Variants in NCAM2 observed in about 807,000 individuals in gnomAD.
NCAM2 encodes N-CAM-2.
NCAM2 carries 30 observed loss-of-function variants against 98.1 expected under a neutral mutation model. The ratio of observed to expected loss-of-function variants is 0.31; its 90% confidence interval spans 0.23 to 0.41. The LOEUF is 0.41. Ranked by LOEUF, NCAM2 falls within the 10% of genes least tolerant of loss-of-function variation. The pLI, the probability that NCAM2 is intolerant of heterozygous loss-of-function variation, is 1.00. For synonymous variants in NCAM2, 368 were observed against 342.4 expected, an observed-to-expected ratio of 1.07 and a Z score of -0.83; for missense variants, 867 against 1,005.8, an observed-to-expected ratio of 0.86 and a Z score of 1.87.
Position 21,338,420 on chromosome 21 carries a change from A to G in NCAM2, c.930A>G (p.Glu310=), listed in dbSNP as rs776270048. 1.1e-5 allele frequency: 18 copies of G among 1,612,352 alleles called. No individual in the cohort carries two copies. The highest frequency in any genetic ancestry group is 1.5e-5 in the Non-Finnish European group (18 of 1,178,754). The change falls in exon 8 of 18, where the codon GAA becomes GAG. Residue 310 remains glutamate (E), a synonymous_variant. Transcript: ENST00000400546. ...VQPHIIQLKN[E]TTYENGQVTL... is the part of the protein sequence containing the mutation. ...CTCACATAATACAGCTTAAAAATGA[A>G]ACTACATATGAGAATGGTCAAGTCA...
At chr21:21,506,525 A>G (rs1045052794) in intron 15 of NCAM2, among the ~76,000 whole-genome samples, 4 of 152,114 alleles carry the variant, frequency 2.6e-5, no homozygotes, top group South Asian at 2.1e-4. Context: ...TTTTTAATTC[A>G]TGCATAGAGA....
rs554764799 is a variant in NCAM2 at position 21,015,472 on chromosome 21, G to A, written c.55+16854G>A. ...ATTAGGACCCACTGAAGGCTTAGAT[G>A]ATCCTTCACTCTTTTTTAGCAATAA... On this transcript the variant is annotated intron_variant, in intron 1 of 17. Coordinates refer to ENST00000400546, the MANE Select transcript of NCAM2 (RefSeq NM_004540.5). Among the ~76,000 whole-genome samples, 13 of 152,254 alleles carry A rather than the reference G, an allele frequency of 8.5e-5. No individual in the cohort carries two copies. The South Asian group carries it at 2.3e-3, about 27-fold the overall frequency.
At chr21:21,410,491 G>A in intron 10 of NCAM2, 30 bp downstream of exon 10, 1 of 1,270,278 alleles carries the variant, frequency 7.9e-7, no homozygotes, top group Admixed American at 2.7e-5. Flanking sequence ...TCAATAAATT[G>A]TATTATTTTA....
intron 16 of NCAM2, among the ~76,000 whole-genome samples, chr21:21,527,108 G>A (rs1425694706): frequency 7.6e-6 from 1 of 132,306 alleles, no homozygotes; most frequent in African/African-American, 2.8e-5. Flanking sequence ...ATCCATGAAA[G>A]AAAGATTTTT....
At chr21:21,391,967 G>T (rs1414095669) in intron 9 of NCAM2, among the ~76,000 whole-genome samples, 1 of 152,112 alleles carries the variant, frequency 6.6e-6, no homozygotes, top group African/African-American at 2.4e-5. Flanking sequence ...AAATTCAGGG[G>T]TACAAGTACT....
intron 5 of NCAM2, among the ~76,000 whole-genome samples, chr21:21,297,615 C>A (rs1445736109): frequency 6.6e-6 from 1 of 151,640 alleles, no homozygotes; most frequent in Non-Finnish European, 1.5e-5. Flanking sequence ...TGCCCACTTA[C>A]ACATCATGGA....
At chr21:21,161,088 T>C (rs898529678) in intron 1 of NCAM2, among the ~76,000 whole-genome samples, 1 of 151,972 alleles carries the variant, frequency 6.6e-6, no homozygotes, top group African/African-American at 2.4e-5. Context: ...ACACCTCTGC[T>C]ACAAAATGAA....
chr21:21,193,638 C>T (rs1024105901), intron 1 of NCAM2, among the ~76,000 whole-genome samples: 16 of 151,736 alleles, frequency 1.1e-4, no homozygotes, highest in East Asian at 9.8e-4. Flanking sequence ...TGGGACTACA[C>T]AGGCGTGTCA....
At chr21:21,472,164 C>G (rs1984521246) in intron 14 of NCAM2, among the ~76,000 whole-genome samples, 1 of 151,868 alleles carries the variant, frequency 6.6e-6, no homozygotes, top group Non-Finnish European at 1.5e-5. Flanking sequence ...ATAACTATCA[C>G]TTAGTGTTGG....
intron 5 of NCAM2, among the ~76,000 whole-genome samples, chr21:21,293,490 A>G (rs576063691): frequency 6.6e-6 from 1 of 151,908 alleles, no homozygotes; most frequent in Admixed American, 6.6e-5. Context: ...ATTAGATGTC[A>G]GTCATAGGGA....
At chr21:21,074,169 G>A (rs966249632) in intron 1 of NCAM2, among the ~76,000 whole-genome samples, 8 of 151,890 alleles carry the variant, frequency 5.3e-5, no homozygotes, top group African/African-American at 9.7e-5. Context: ...TTCCAAGTAT[G>A]CTATATTTCT....
intron 1 of NCAM2, among the ~76,000 whole-genome samples, chr21:21,071,036 G>C (rs1197656668): frequency 6.6e-6 from 1 of 152,114 alleles, no homozygotes; most frequent in Non-Finnish European, 1.5e-5. Flanking sequence ...GAATTAAATT[G>C]AGGGTTATTA....
intron 15 of NCAM2, among the ~76,000 whole-genome samples, chr21:21,500,636 C>A (rs1178284008): frequency 3.6e-4 from 54 of 151,766 alleles, no homozygotes; most frequent in Admixed American, 3.5e-3. Context: ...TAATTTTTTT[C>A]TTACCACCCA....
At chr21:21,482,147 G>A (rs924432127) in intron 15 of NCAM2, among the ~76,000 whole-genome samples, 3 of 151,854 alleles carry the variant, frequency 2.0e-5, no homozygotes, top group African/African-American at 7.3e-5. Context: ...TACTGAATCC[G>A]GATTGCTAAG....
chr21:21,343,352 TACACATACACACACACACACACACACAC>T (rs2075098577), intron 8 of NCAM2, among the ~76,000 whole-genome samples: 1 of 110,076 alleles, frequency 9.1e-6, no homozygotes, highest in South Asian at 2.7e-4. Flanking sequence ...CAACTATCTA[TACACATACACACACACACACACACACAC>T]ACACACACAC....
chr21:21,524,166 G>A (rs1989188661), intron 16 of NCAM2, among the ~76,000 whole-genome samples: 1 of 152,068 alleles, frequency 6.6e-6, no homozygotes, highest in Non-Finnish European at 1.5e-5. Context: ...GCCAGATGCA[G>A]TCAACTTCAG....
chr21:21,007,548 C>T (rs982518922), intron 1 of NCAM2, among the ~76,000 whole-genome samples: 2 of 152,080 alleles, frequency 1.3e-5, no homozygotes, highest in Admixed American at 6.6e-5. Flanking sequence ...AAGGGGTGGG[C>T]AATTCCTGAA....
At chr21:21,367,048 T>A (rs1261576869) in intron 8 of NCAM2, among the ~76,000 whole-genome samples, 1 of 151,998 alleles carries the variant, frequency 6.6e-6, no homozygotes, top group East Asian at 1.9e-4. Context: ...TTCAATTATG[T>A]GGCATACATT....
Position 21,292,152 on chromosome 21 carries a change from A to G in NCAM2, c.530A>G (p.Asn177Ser), listed in dbSNP as rs745896216. ...ANNNLQILNI[N>S]KSDEGIYRCE... is the part of the protein sequence containing the mutation. ...AATAACCTGCAGATTCTCAACATCAATAAAAGTGATGAAGGTATATACAGA... is the reference window on the plus strand; with the variant it reads ...AATAACCTGCAGATTCTCAACATCAGTAAAAGTGATGAAGGTATATACAGA... The change falls in exon 5 of 18, where the codon AAT becomes AGT. Residue 177 changes from asparagine to serine, a missense_variant. Transcript: ENST00000400546. 3 of 1,611,002 alleles carry G rather than the reference A, an allele frequency of 1.9e-6. No individual in the cohort carries two copies. Among genetic ancestry groups the G allele is most frequent in the Admixed American group, 1.7e-5 (1 of 59,688 alleles).
Sources: gnomAD v4.1 joint callset for allele counts (sites outside exome capture counted in the v4.1 genomes callset) on GRCh38, gnomAD v4.1.1 for gene constraint, MANE v1.5 for transcripts, NCBI Gene and HGNC (gene_info 2026-07-23, HGNC 2026-07-21) for gene names.